AGK: variants seen among roughly 807,000 people sequenced by gnomAD.
AGK encodes the protein acylglycerol kinase.
In AGK, 52 loss-of-function variants were observed where a neutral mutation model predicts 66.4. The observed-to-expected ratio is 0.78, with a 90% CI of 0.63 to 0.99. The LOEUF (loss-of-function observed/expected upper bound fraction) is 0.99, where lower values mean the gene tolerates loss of function less well. AGK is among the 50% of genes least tolerant of loss of function. AGK has a pLI of 0.00. For missense variants in AGK, 451 were observed against 506.6 expected, an observed-to-expected ratio of 0.89 and a Z score of 1.05; for synonymous variants, 182 against 181.1, an observed-to-expected ratio of 1.00 and a Z score of -0.04.
intron 2 of AGK, among the ~76,000 whole-genome samples, chr7:141,575,405 G>A (rs1475303502): frequency 6.6e-6 from 1 of 152,172 alleles, no homozygotes; most frequent in African/African-American, 2.4e-5. Flanking sequence ...GAACATACCA[G>A]AATCACTTGG....
chr7:141,644,969 CTCTTA>C (rs1797378015), intron 13 of AGK, among the ~76,000 whole-genome samples: 1 of 151,690 alleles, frequency 6.6e-6, no homozygotes, highest in African/African-American at 2.4e-5. Context: ...TACTCTGCTT[CTCTTA>C]TTATAGTTTT....
At chr7:141,557,903 C>T (rs762648318) in intron 2 of AGK, among the ~76,000 whole-genome samples, 11 of 152,156 alleles carry the variant, frequency 7.2e-5, no homozygotes, top group Non-Finnish European at 1.3e-4. Context: ...ATCTGCAGTT[C>T]GATGGTGTTA....
intron 9 of AGK, among the ~76,000 whole-genome samples, chr7:141,631,264 G>C (rs1320151090): frequency 6.6e-6 from 1 of 152,190 alleles, no homozygotes; most frequent in Non-Finnish European, 1.5e-5. Flanking sequence ...ATAATGTAGA[G>C]AAGGTTGTTT....
chr7:141,618,137 A>C (rs1294555699), intron 8 of AGK, among the ~76,000 whole-genome samples: 1 of 152,360 alleles, frequency 6.6e-6, no homozygotes, highest in South Asian at 2.1e-4. Flanking sequence ...ACACTGGTTT[A>C]GGTGGATTTG....
intron 2 of AGK, among the ~76,000 whole-genome samples, chr7:141,587,680 C>T (rs1587095600): frequency 6.6e-6 from 1 of 152,266 alleles, no homozygotes; most frequent in Non-Finnish European, 1.5e-5. Flanking sequence ...AATGTCATAT[C>T]CTGTAAAAAG....
intron 2 of AGK, among the ~76,000 whole-genome samples, chr7:141,564,776 C>T (rs1443913850): frequency 6.6e-6 from 1 of 151,976 alleles, no homozygotes; most frequent in African/African-American, 2.4e-5. Context: ...GTTGCTCAGG[C>T]TGGAGTGCAA....
chr7:141,619,870 G>A (rs1317337454), intron 8 of AGK, among the ~76,000 whole-genome samples: 6 of 152,076 alleles, frequency 3.9e-5, no homozygotes, highest in South Asian at 2.1e-4. Flanking sequence ...ATATATGTCC[G>A]TACAAAAACC....
intron 2 of AGK, among the ~76,000 whole-genome samples, chr7:141,581,402 A>T (rs892172667): frequency 6.6e-6 from 1 of 151,972 alleles, no homozygotes; most frequent in African/African-American, 2.4e-5. Context: ...AGGCAAAACA[A>T]TTTGGTTGAT....
At chr7:141,580,224 C>T (rs184028310) in intron 2 of AGK, among the ~76,000 whole-genome samples, 90 of 151,880 alleles carry the variant, frequency 5.9e-4, no homozygotes, top group Non-Finnish European at 1.0e-3. Context: ...AGTGAGGGCC[C>T]GAGTTAAGGC....
In AGK at chr7:141,655,173, T is replaced by C. The variant is rs1562990217; in HGVS notation, c.*2249T>C. On this transcript the variant is annotated 3_prime_UTR_variant, in exon 16 of 16. Coordinates refer to ENST00000649286, the MANE Select transcript of AGK (RefSeq NM_018238.4). ...GTGGTTCTAATCATAATGGTACATA[T>C]AATTAGGGAAGGATATGGAAGCCAC... 1 of 152,266 alleles carries C rather than the reference T, an allele frequency of 6.6e-6. No individual in the cohort carries two copies. Among genetic ancestry groups the C allele is most frequent in the Non-Finnish European group, 1.5e-5 (1 of 68,038 alleles). 9.4% of individuals were successfully genotyped at this position (152,266 alleles called of 1,614,324 possible). A position where few individuals can be genotyped will look rare whatever the true frequency, so the allele number is the denominator to read the frequency against.
At chr7:141,578,929 A>G (rs187379887) in intron 2 of AGK, among the ~76,000 whole-genome samples, 1 of 152,180 alleles carries the variant, frequency 6.6e-6, no homozygotes, top group African/African-American at 2.4e-5. Context: ...GTTTGGGGAT[A>G]GCACCAGGAG....
chr7:141,571,632 TG>T (rs141188358), intron 2 of AGK, among the ~76,000 whole-genome samples: 7 of 152,306 alleles, frequency 4.6e-5, no homozygotes, highest in Non-Finnish European at 1.0e-4. Flanking sequence ...GACCCATCCA[TG>T]AAAGTTAAGA....
At chr7:141,571,534 T>C (rs1795607741) in intron 2 of AGK, among the ~76,000 whole-genome samples, 1 of 152,244 alleles carries the variant, frequency 6.6e-6, no homozygotes, top group South Asian at 2.1e-4. Flanking sequence ...GAATTGCTTA[T>C]TGTATAACTT....
intron 7 of AGK, 73 bp from the exon 8 acceptor site, chr7:141,615,398 A>C: frequency 8.4e-7 from 1 of 1,192,798 alleles, no homozygotes; most frequent in Non-Finnish European, 1.2e-6. Context: ...CATAGTGGAC[A>C]CACCTGTGCT....
intron 2 of AGK, among the ~76,000 whole-genome samples, chr7:141,584,258 T>TG (rs1177522699): frequency 2.6e-5 from 4 of 151,892 alleles, no homozygotes; most frequent in Non-Finnish European, 4.4e-5. Flanking sequence ...AGGTGTTCAG[T>TG]GGGGGAGCTT....
At chr7:141,585,793 G>T (rs1169638809) in intron 2 of AGK, among the ~76,000 whole-genome samples, 1 of 152,194 alleles carries the variant, frequency 6.6e-6, no homozygotes, top group Non-Finnish European at 1.5e-5. Context: ...CTCAGGCAGA[G>T]TGACATCAGC....
At chr7:141,556,003 C>T (rs1170345561) in intron 2 of AGK, among the ~76,000 whole-genome samples, 1 of 152,160 alleles carries the variant, frequency 6.6e-6, no homozygotes, top group African/African-American at 2.4e-5. Flanking sequence ...GGTCTGAGCG[C>T]AGCTTGGTTT....
chr7:141,636,980 T>G lies in AGK; in HGVS notation c.689T>G (p.Leu230Arg). The change falls in exon 11 of 16, where the codon CTA becomes CGA. Residue 230 changes from leucine to arginine, a missense_variant. Transcript: ENST00000649286. ...KVSKYWYLGPLKIKAAHFFST... is the reference protein window; with the variant it reads ...KVSKYWYLGPRKIKAAHFFST... Reference sequence around the variant, plus strand: ...CACAGGTACTGGTATCTTGGGCCTCTAAAAATCAAAGCAGCCCACTTTTTC... The same window carrying G: ...CACAGGTACTGGTATCTTGGGCCTCGAAAAATCAAAGCAGCCCACTTTTTC... The G allele has an allele frequency of 6.2e-7, 1 of 1,612,672 alleles. No individual in the cohort carries two copies.
At chr7:141,630,643 G>A (rs1346872564) in intron 9 of AGK, among the ~76,000 whole-genome samples, 1 of 151,996 alleles carries the variant, frequency 6.6e-6, no homozygotes, top group Non-Finnish European at 1.5e-5. Flanking sequence ...ATACTCAATA[G>A]GTATCTCAAT....
Sources: gnomAD v4.1 joint callset for allele counts (sites outside exome capture counted in the v4.1 genomes callset) on GRCh38, gnomAD v4.1.1 for gene constraint, MANE v1.5 for transcripts, NCBI Gene and HGNC (gene_info 2026-07-23, HGNC 2026-07-21) for gene names.